The following FRAS1 variants were observed in gnomAD, a reference collection of about 807,000 sequenced individuals.
FRAS1 encodes the protein Fraser extracellular matrix complex subunit 1.
Under a neutral mutation model 435.2 loss-of-function variants are expected in FRAS1, and 290 were observed. The ratio of observed to expected loss-of-function variants is 0.67; its 90% CI spans 0.61 to 0.73. The LOEUF is 0.73. Among genes scored for constraint, FRAS1 ranks in the 30% least tolerant of loss-of-function variants. The pLI is 0.00. For missense variants in FRAS1, 4,860 were observed against 5,001.5 expected (o/e 0.97, Z 0.85); for synonymous variants, 1,800 against 1,851.0 (o/e 0.97, Z 0.71).
At chr4:78,221,384 T>C (rs1361573213) in intron 2 of FRAS1, among the ~76,000 whole-genome samples, 2 of 152,216 alleles carry the variant, frequency 1.3e-5, no homozygotes, top group South Asian at 4.1e-4. Context: ...GATTAATTGA[T>C]AGTTGAAGTA....
chr4:78,321,182 T>A (rs1005851094), intron 18 of FRAS1, among the ~76,000 whole-genome samples: 1 of 152,242 alleles, frequency 6.6e-6, no homozygotes, highest in Non-Finnish European at 1.5e-5. Flanking sequence ...CTGTGAGAAG[T>A]GCCTTACTAG....
At chr4:78,494,819 T>C (rs1162041630) in intron 59 of FRAS1, among the ~76,000 whole-genome samples, 2 of 152,204 alleles carry the variant, frequency 1.3e-5, no homozygotes, top group African/African-American at 4.8e-5. Flanking sequence ...TCCTCATACA[T>C]GTCCACTTAC....
chr4:78,446,749 G>A lies in FRAS1; in HGVS notation c.5879G>A (p.Arg1960Lys). The A allele has an allele frequency of 3.7e-6, 6 of 1,613,300 alleles. No homozygotes were observed. Among genetic ancestry groups the A allele is most frequent in the Non-Finnish European group, 5.1e-6 (6 of 1,179,634 alleles). ...TIERKNDEPP[R>K]MTLQPLRVQL... ...CAGAGGAAGAACGATGAGCCTCCCA[G>A]GATGACCTTGCAGCCCCTCAGAGTG... Residue 1960 changes from arginine to lysine, a missense_variant, in exon 43 of 74, where the codon AGG (arginine) becomes AAG (lysine). Physicochemically the swap from Arg to Lys is conservative, Grantham distance 26 (BLOSUM62 2). Coordinates refer to ENST00000512123, the MANE Select transcript of FRAS1 (RefSeq NM_025074.7).
At chr4:78,099,259 C>T (rs1741983592) in intron 2 of FRAS1, among the ~76,000 whole-genome samples, 1 of 152,160 alleles carries the variant, frequency 6.6e-6, no homozygotes, top group Non-Finnish European at 1.5e-5. Context: ...GTGTGCAGTA[C>T]TTGAAGTGGA....
rs1017323098 is a variant in FRAS1, at chr4:78,144,182, GA to G, written c.108+78173del. ...AAATAAAGACAAAAAAACTCAAGAA[GA>G]AAAAAAGAATGATAAATGCAACTCA... is the stretch of plus-strand genomic sequence containing the variant. On this transcript the variant is annotated intron_variant, in intron 2 of 73. Transcript: ENST00000512123. Among the ~76,000 whole-genome samples the G allele has an allele frequency of 4.6e-5, 7 of 150,808 alleles. No individual in the cohort carries two copies. In the East Asian group the frequency reaches 9.8e-4, roughly 21 times the overall value.
chr4:78,158,030 G>A (rs1478936670), intron 2 of FRAS1, among the ~76,000 whole-genome samples: 1 of 152,100 alleles, frequency 6.6e-6, no homozygotes, highest in Non-Finnish European at 1.5e-5. Flanking sequence ...ACTGATCTAT[G>A]TGCCTGTTTT....
intron 2 of FRAS1, among the ~76,000 whole-genome samples, chr4:78,168,451 C>G (rs926891732): frequency 6.6e-6 from 1 of 151,926 alleles, no homozygotes; most frequent in African/African-American, 2.4e-5. Context: ...CCCTGCAGCA[C>G]CCCTGTAATA....
In FRAS1 at chr4:78,235,124, G is replaced by A. The variant is rs192850812; in HGVS notation, c.109-2386G>A. On this transcript the variant is annotated intron_variant, in intron 2 of 73. Coordinates refer to ENST00000512123, the MANE Select transcript of FRAS1 (RefSeq NM_025074.7). ...GGAAACCTCAGTTTTTGTGGTTAAG[G>A]TCACTAACTGATTGGATGAGTCCAC... Among the ~76,000 whole-genome samples, 314 of 152,234 alleles carry A rather than the reference G, an allele frequency of 2.1e-3. 8 individuals carry two copies. Among genetic ancestry groups the A allele is most frequent in the Admixed American group, 0.019 (298 of 15,292 alleles).
chr4:78,314,447 T>C (rs1729154671), intron 15 of FRAS1, among the ~76,000 whole-genome samples: 1 of 152,186 alleles, frequency 6.6e-6, no homozygotes, highest in Admixed American at 6.5e-5. Flanking sequence ...ATTCAACCCT[T>C]AATCATCTTG....
intron 9 of FRAS1, among the ~76,000 whole-genome samples, chr4:78,274,039 T>G (rs1255363336): frequency 6.6e-6 from 1 of 152,206 alleles, no homozygotes; most frequent in African/African-American, 2.4e-5. Context: ...TAGTTTAGTC[T>G]TGGGAGGGTG....
chr4:78,182,898 A>AG (rs1267876475), intron 2 of FRAS1, among the ~76,000 whole-genome samples: 23 of 54,496 alleles, frequency 4.2e-4, no homozygotes, highest in African/African-American at 2.5e-3. Flanking sequence ...GAAAAAAAGA[A>AG]AAAAAAAAAT....
At chr4:78,224,831 T>A (rs1349707040) in intron 2 of FRAS1, among the ~76,000 whole-genome samples, 1 of 152,210 alleles carries the variant, frequency 6.6e-6, no homozygotes, top group Non-Finnish European at 1.5e-5. Context: ...TGTGTCTGGC[T>A]GGCATATAAC....
chr4:78,538,397 T>C (rs1207348624), intron 72 of FRAS1, among the ~76,000 whole-genome samples: 2 of 152,172 alleles, frequency 1.3e-5, no homozygotes, highest in Admixed American at 6.5e-5. Flanking sequence ...ATATCCCACT[T>C]TTTGCATTTT....
intron 33 of FRAS1, among the ~76,000 whole-genome samples, chr4:78,419,585 C>T (rs562717398): frequency 1.2e-4 from 18 of 152,322 alleles, no homozygotes; most frequent in Admixed American, 2.0e-4. Flanking sequence ...AGATTTGGGG[C>T]CCTGCCATCA....
rs918393397 is a variant in FRAS1 at position 78,057,933 on chromosome 4, C to T, written c.-77C>T. The T allele has an allele frequency of 4.2e-6, 6 of 1,433,218 alleles. No homozygotes were observed. The highest frequency in any genetic ancestry group is 5.9e-6 in the Non-Finnish European group (6 of 1,023,234). The allele number at this position is 1,433,218 out of a possible 1,614,324, so 88.8% of individuals were successfully genotyped here. On this transcript the variant is annotated 5_prime_UTR_variant, in exon 1 of 74. Coordinates refer to ENST00000512123, the MANE Select transcript of FRAS1 (RefSeq NM_025074.7). This position sits in a 1 kb window ranked among gnomAD's most constrained non-coding sequence, Gnocchi z 4.2. ...CTTCAGTGCGCCCGGGTTCCAAGCG[C>T]CGGAGCCAGCGTTTTGGCGGAGCCG...
At chr4:78,448,957 G>A (rs574138483) in intron 44 of FRAS1, among the ~76,000 whole-genome samples, 1 of 152,222 alleles carries the variant, frequency 6.6e-6, no homozygotes, top group African/African-American at 2.4e-5. Flanking sequence ...TTGTTTGTTT[G>A]TTCTTAGTTT....
intron 3 of FRAS1, among the ~76,000 whole-genome samples, chr4:78,239,704 T>C (rs946111206): frequency 6.6e-6 from 1 of 152,166 alleles, no homozygotes; most frequent in South Asian, 2.1e-4. Flanking sequence ...TGAATATATA[T>C]GTATATATCT....
At position 78,270,532 on chromosome 4, in the gene FRAS1, G is replaced by GCCCCCCGCCCCCCCGC. The variant is rs1726615418; in HGVS notation, c.981+3109_981+3110insCCCCCGCCCCCCCGCC. Among the ~76,000 whole-genome samples the GCCCCCCGCCCCCCCGC allele has an allele frequency of 5.3e-5, 6 of 113,744 alleles. No homozygotes were observed. In the South Asian group the frequency reaches 9.2e-4, roughly 17 times the overall value. 74.6% of individuals were successfully genotyped at this position (113,744 alleles called of 152,430 possible). ...CACAATTTTTTCAATACCAGCCACCGCCCCCCGCCACCCCGCCCCCCCGCC... is the reference window on the plus strand; with the variant it reads ...CACAATTTTTTCAATACCAGCCACCGCCCCCCGCCCCCCCGCCCCCCCGCCACCCCGCCCCCCCGCC... On this transcript the variant is annotated intron_variant, in intron 9 of 73. Transcript: ENST00000512123.
chr4:78,526,736 AC>A, intron 70 of FRAS1, 79 bp downstream of exon 70: 1 of 882,792 alleles, frequency 1.1e-6, no homozygotes. Context: ...TTTATTTGTA[AC>A]CCCCAAATCA....
Sources: allele counts gnomAD v4.1 joint callset (sites outside exome capture counted in the v4.1 genomes callset), GRCh38; gene constraint gnomAD v4.1.1; non-coding constraint Gnocchi (gnomAD v3.1); transcripts MANE v1.5; gene names NCBI Gene and HGNC (gene_info 2026-07-23, HGNC 2026-07-21).